The following ZNG1A variants were observed in gnomAD, a reference collection of about 807,000 sequenced individuals.
The protein encoded by ZNG1A is zinc-regulated GTPase metalloprotein activator 1A.
At chr9:140,838 G>T in the ZNG1A span, among the ~76,000 whole-genome samples, 1 of 148,540 alleles carries the variant, frequency 6.7e-6, no homozygotes, top group East Asian at 2.0e-4. Flanking sequence ...ATACAGAGAA[G>T]TGCTTAAAGG....
the ZNG1A span, chr9:162,343 T>A: frequency 8.0e-7 from 1 of 1,242,306 alleles, no homozygotes; most frequent in Non-Finnish European, 1.1e-6. Context: ...AAAGAAAATT[T>A]CAGATACAAA....
At chr9:175,903 G>A in the ZNG1A span, 4 of 1,414,194 alleles carry the variant, frequency 2.8e-6, no homozygotes, top group South Asian at 5.9e-5. Flanking sequence ...TATTATTTTA[G>A]CATAGAATAT....
At chr9:159,159 TAAC>T in the ZNG1A span, among the ~76,000 whole-genome samples, 7 of 149,226 alleles carry the variant, frequency 4.7e-5, no homozygotes, top group African/African-American at 1.7e-4. Context: ...TATCTCTGCT[TAAC>T]AACTATGGCT....
At chr9:136,096 G>A in the ZNG1A span, among the ~76,000 whole-genome samples, 1 of 77,136 alleles carries the variant, frequency 1.3e-5, no homozygotes, top group Non-Finnish European at 3.0e-5. Context: ...AACTTCATAC[G>A]CAGCAAAAAA....
At chr9:176,236 T>C in the ZNG1A span, among the ~76,000 whole-genome samples, 5 of 138,784 alleles carry the variant, frequency 3.6e-5, no homozygotes, top group African/African-American at 1.4e-4. Flanking sequence ...CATAAAGCTA[T>C]ACCAACTTTA....
At chr9:155,588 G>A in the ZNG1A span, among the ~76,000 whole-genome samples, 19 of 152,178 alleles carry the variant, frequency 1.2e-4, no homozygotes, top group South Asian at 1.9e-3. Context: ...CTATTAGCAG[G>A]ATAGTAAAAC....
At chr9:164,595 T>TA in the ZNG1A span, 1 of 149,910 alleles carries the variant, frequency 6.7e-6, no homozygotes, top group Non-Finnish European at 1.5e-5. Flanking sequence ...TAGTACTGTA[T>TA]AAAACCTGGG....
At chr9:175,081 A>G in the ZNG1A span, among the ~76,000 whole-genome samples, 1 of 150,862 alleles carries the variant, frequency 6.6e-6, no homozygotes, top group African/African-American at 2.5e-5. Context: ...CCTAATTCCT[A>G]AAAAAAACAT....
chr9:158,203 C>T, the ZNG1A span, among the ~76,000 whole-genome samples: 2 of 149,502 alleles, frequency 1.3e-5, no homozygotes, highest in African/African-American at 5.0e-5. Flanking sequence ...TGGTGCCTGG[C>T]ACACAGGCTC....
the ZNG1A span, among the ~76,000 whole-genome samples, chr9:130,458 G>T: frequency 0.026 from 3,169 of 123,480 alleles, 344 homozygotes; most frequent in African/African-American, 0.098. Flanking sequence ...TTGAGATGGG[G>T]TCTCACTCTG....
At chr9:154,941 G>A in the ZNG1A span, 1 of 818,756 alleles carries the variant, frequency 1.2e-6, no homozygotes, top group Non-Finnish European at 1.9e-6. Context: ...ATTATCTAGT[G>A]CTCTATAGGA....
chr9:127,651 A>C, the ZNG1A span, among the ~76,000 whole-genome samples: 2 of 151,944 alleles, frequency 1.3e-5, no homozygotes, highest in Non-Finnish European at 2.9e-5. Flanking sequence ...TGTATCTTTT[A>C]AGTGGAGCAT....
the ZNG1A span, among the ~76,000 whole-genome samples, chr9:139,724 C>A: frequency 6.6e-6 from 1 of 151,530 alleles, no homozygotes; most frequent in Non-Finnish European, 1.5e-5. Flanking sequence ...AGAAGACAGG[C>A]GATTTCTCCA....
chr9:158,647 G>A, the ZNG1A span, among the ~76,000 whole-genome samples: 8 of 150,670 alleles, frequency 5.3e-5, no homozygotes, highest in African/African-American at 1.5e-4. Flanking sequence ...TTCACTCAAA[G>A]CTAACAGTGG....
chr9:124,094 A>G, the ZNG1A span, among the ~76,000 whole-genome samples: 1 of 152,208 alleles, frequency 6.6e-6, no homozygotes, highest in Non-Finnish European at 1.5e-5. Flanking sequence ...TGGCTTTAGT[A>G]AGGGGGACAT....
the ZNG1A span, among the ~76,000 whole-genome samples, chr9:128,740 T>C: frequency 8.7e-5 from 13 of 150,260 alleles, 1 homozygote; most frequent in African/African-American, 3.0e-4. Context: ...TTTTGGGGGG[T>C]GTTAAAGAAC....
the ZNG1A span, among the ~76,000 whole-genome samples, chr9:140,724 C>T: frequency 6.6e-6 from 1 of 152,084 alleles, no homozygotes; most frequent in Non-Finnish European, 1.5e-5. Flanking sequence ...AAGAAGGCTT[C>T]AGACGATCAA....
chr9:158,032 T>C, the ZNG1A span, among the ~76,000 whole-genome samples: 8 of 148,300 alleles, frequency 5.4e-5, no homozygotes, highest in East Asian at 1.9e-4. Flanking sequence ...TCTGCAATTA[T>C]GGAAGTCACA....
At chr9:128,945 C>G in the ZNG1A span, among the ~76,000 whole-genome samples, 1 of 151,856 alleles carries the variant, frequency 6.6e-6, no homozygotes, top group Non-Finnish European at 1.5e-5. Context: ...ATTGCTATCT[C>G]TCTTCTGGAT....
Sources: allele counts gnomAD v4.1 joint callset (sites outside exome capture counted in the v4.1 genomes callset), GRCh38; gene constraint gnomAD v4.1.1; transcripts MANE v1.5; gene names NCBI Gene and HGNC (gene_info 2026-07-23, HGNC 2026-07-21).